Variants in GLRA2 observed in about 807,000 individuals in gnomAD.
GLRA2 encodes the protein glycine receptor subunit alpha-2.
A neutral mutation model predicts 31.6 loss-of-function variants in GLRA2; 11 were observed. The ratio of observed to expected loss-of-function variants is 0.35; its 90% CI spans 0.22 to 0.58. The LOEUF (loss-of-function observed/expected upper bound fraction) is 0.58. GLRA2 is among the 20% of genes least tolerant of loss of function. The probability of loss-of-function intolerance (pLI) is 0.84; values close to 1 mark genes in which losing one functional copy is unlikely to be tolerated. For missense variants in GLRA2, 212 were observed against 351.8 expected (o/e 0.60, Z 3.18); for synonymous variants, 132 against 134.0 (o/e 0.99, Z 0.10).
At chrX:14,464,564 T>C in the GLRA2 span, among the ~76,000 whole-genome samples, 1 of 110,256 alleles carries the variant, frequency 9.1e-6, no homozygotes, top group Non-Finnish European at 1.9e-5. Flanking sequence ...TTTATTTATT[T>C]ATTTATTTTC....
intron 7 of GLRA2, among the ~76,000 whole-genome samples, chrX:14,612,943 C>T (rs953477231): frequency 2.7e-5 from 3 of 110,255 alleles, no homozygotes; most frequent in Admixed American, 1.9e-4. Context: ...ACTGCATGTT[C>T]TGCACAGGTA....
chrX:14,721,218 C>A (rs1432378529), intron 8 of GLRA2, among the ~76,000 whole-genome samples: 1 of 110,198 alleles, frequency 9.1e-6, no homozygotes, highest in Non-Finnish European at 1.9e-5. Context: ...TCAAGATAAA[C>A]CCTGTTTTAG....
chrX:14,589,736 ATG>A (rs747487563), intron 4 of GLRA2, among the ~76,000 whole-genome samples: 36 of 107,754 alleles, frequency 3.3e-4, no homozygotes, highest in Non-Finnish European at 5.4e-4. Flanking sequence ...GTGTATATAT[ATG>A]TGTATATATA....
At chrX:14,604,238 G>A in intron 4 of GLRA2, 77 bp from the exon 5 acceptor site, 4 of 566,955 alleles carry the variant, frequency 7.1e-6, no homozygotes, top group Non-Finnish European at 1.2e-5. Flanking sequence ...TTAATGCCAA[G>A]TGTATTTTGT....
chrX:14,684,924 C>T lies in GLRA2; in HGVS notation c.931-5786C>T, dbSNP rs774365669. Reference sequence around the variant, plus strand: ...TCAAAGGGAATGCTTCCAGTTTTTGCCCATTCAGTATGATATTAGCTGTGG... The same window carrying T: ...TCAAAGGGAATGCTTCCAGTTTTTGTCCATTCAGTATGATATTAGCTGTGG... On this transcript the variant is annotated intron_variant, in intron 7 of 8. Transcript: ENST00000218075. Among the ~76,000 whole-genome samples, 465 of 110,775 alleles carry T rather than the reference C, an allele frequency of 4.2e-3. 4 individuals are homozygous for T. The highest frequency in any genetic ancestry group is 0.014 in the African/African-American group (422 of 30,441).
intron 7 of GLRA2, among the ~76,000 whole-genome samples, chrX:14,686,215 G>C (rs1049450501): frequency 6.3e-5 from 7 of 111,645 alleles, no homozygotes; most frequent in Non-Finnish European, 1.1e-4. Context: ...ATTTGCTGAG[G>C]AGTGCTTTAC....
At chrX:14,608,607 ATAT>A (rs894495362) in intron 6 of GLRA2, among the ~76,000 whole-genome samples, 9 of 110,163 alleles carry the variant, frequency 8.2e-5, no homozygotes, top group Non-Finnish European at 1.5e-4. Context: ...TATATATAAC[ATAT>A]TATAACCCCC....
chrX:14,577,816 A>G (rs1044051338), intron 3 of GLRA2, among the ~76,000 whole-genome samples: 29 of 111,764 alleles, frequency 2.6e-4, no homozygotes, highest in Non-Finnish European at 3.8e-5. Flanking sequence ...CCAAAGTGTC[A>G]TCACAGCCCA....
chrX:14,499,397 G>T, the GLRA2 span, among the ~76,000 whole-genome samples: 5 of 110,724 alleles, frequency 4.5e-5, no homozygotes, highest in African/African-American at 1.6e-4. Flanking sequence ...TTGGCCATTT[G>T]TATGTCTTCT....
At chrX:14,649,420 T>A (rs941554355) in intron 7 of GLRA2, among the ~76,000 whole-genome samples, 2 of 110,962 alleles carry the variant, frequency 1.8e-5, no homozygotes, top group Non-Finnish European at 3.8e-5. Flanking sequence ...ATCTATACTA[T>A]GAACTTTAAG....
At chrX:14,484,598 C>T in the GLRA2 span, among the ~76,000 whole-genome samples, 1 of 111,931 alleles carries the variant, frequency 8.9e-6, no homozygotes, top group Non-Finnish European at 1.9e-5. Context: ...TTCGGTTAGA[C>T]ATTAATTATA....
the GLRA2 span, among the ~76,000 whole-genome samples, chrX:14,508,830 T>C: frequency 8.9e-6 from 1 of 111,814 alleles, no homozygotes; most frequent in Non-Finnish European, 1.9e-5. Context: ...GATACCTGGT[T>C]CTGCTAAATG....
the GLRA2 span, among the ~76,000 whole-genome samples, chrX:14,481,072 T>C: frequency 5.4e-5 from 6 of 111,567 alleles, no homozygotes; most frequent in Admixed American, 9.6e-5. Flanking sequence ...TAGTTCTCTT[T>C]TTAGGGATGT....
At chrX:14,643,745 CA>C in intron 7 of GLRA2, among the ~76,000 whole-genome samples, 1 of 111,688 alleles carries the variant, frequency 9.0e-6, no homozygotes, top group Non-Finnish European at 1.9e-5. Flanking sequence ...AGGCAAGGTT[CA>C]GTAGTGCCAT....
intron 2 of GLRA2, among the ~76,000 whole-genome samples, chrX:14,554,209 C>T (rs888227601): frequency 1.3e-4 from 15 of 111,985 alleles, no homozygotes; most frequent in Admixed American, 3.8e-4. Flanking sequence ...AGTGGGAAGG[C>T]GGCTGTCCTA....
chrX:14,708,626 C>T (rs140438180), intron 8 of GLRA2, among the ~76,000 whole-genome samples: 77 of 111,669 alleles, frequency 6.9e-4, no homozygotes, highest in African/African-American at 2.4e-3. Flanking sequence ...AATTATACAG[C>T]ACACAGCTGG....
the GLRA2 span, among the ~76,000 whole-genome samples, chrX:14,507,337 T>A: frequency 2.7e-5 from 3 of 112,331 alleles, no homozygotes; most frequent in Non-Finnish European, 5.6e-5. Context: ...TAAATCTCAC[T>A]TTTTTAGCCG....
intron 7 of GLRA2, among the ~76,000 whole-genome samples, chrX:14,670,602 T>C (rs372100616): frequency 3.3e-4 from 37 of 111,222 alleles, no homozygotes; most frequent in East Asian, 1.7e-3. Flanking sequence ...AGAGAAACTC[T>C]CATTTTTAAA....
chrX:14,490,220 T>G, the GLRA2 span, among the ~76,000 whole-genome samples: 1 of 112,058 alleles, frequency 8.9e-6, no homozygotes, highest in Non-Finnish European at 1.9e-5. Context: ...AGGGGCTGCA[T>G]GTACACTGTG....
Sources: allele counts gnomAD v4.1 joint callset (sites outside exome capture counted in the v4.1 genomes callset), GRCh38; gene constraint gnomAD v4.1.1; transcripts MANE v1.5; gene names NCBI Gene and HGNC (gene_info 2026-07-23, HGNC 2026-07-21).